The following EDA variants were observed in gnomAD, a reference collection of about 807,000 sequenced individuals.
The protein encoded by EDA is ectodysplasin-A.
Under a neutral mutation model 23.6 loss-of-function variants are expected in EDA, and 2 were observed. The observed-to-expected ratio is 0.08, with a 90% CI of 0.03 to 0.27. The LOEUF (loss-of-function observed/expected upper bound fraction) is 0.27, where lower values mean the gene tolerates loss of function less well. EDA is among the 10% of genes least tolerant of loss of function. The pLI is 1.00. For missense variants in EDA, 229 were observed against 324.2 expected, an observed-to-expected ratio of 0.71 and a Z score of 2.26; for synonymous variants, 131 against 132.0, an observed-to-expected ratio of 0.99 and a Z score of 0.05.
chrX:69,786,178 T>C (rs1281528270), intron 1 of EDA, among the ~76,000 whole-genome samples: 1 of 111,545 alleles, frequency 9.0e-6, no homozygotes, highest in African/African-American at 3.3e-5. Context: ...TTTTATTGTC[T>C]CTTTTTTTCT....
At chrX:70,030,352 G>C (rs924753245) in intron 5 of EDA, 117 bp from the exon 6 acceptor site, 6 of 630,906 alleles carry the variant, frequency 9.5e-6, no homozygotes, top group Non-Finnish European at 1.3e-5. Context: ...ACAGGGGAGA[G>C]GGATCAGAAT....
chrX:69,695,512 C>CTTTTTT (rs34298428), intron 1 of EDA, among the ~76,000 whole-genome samples: 2 of 88,868 alleles, frequency 2.3e-5, no homozygotes, highest in Non-Finnish European at 4.4e-5. Flanking sequence ...TTCCTTCTTT[C>CTTTTTT]TTTTTTTTTT....
At chrX:69,988,793 T>G (rs1228473006) in intron 2 of EDA, among the ~76,000 whole-genome samples, 2 of 110,940 alleles carry the variant, frequency 1.8e-5, no homozygotes, top group Non-Finnish European at 3.8e-5. Flanking sequence ...GAGGTGGCGG[T>G]TGCAGTGAGC....
At chrX:69,884,486 A>T (rs1009083513) in intron 1 of EDA, among the ~76,000 whole-genome samples, 6 of 112,323 alleles carry the variant, frequency 5.3e-5, no homozygotes, top group African/African-American at 1.9e-4. Context: ...TTATATCTCA[A>T]TTTTTTAGAA....
chrX:69,658,884 A>G (rs973120223), intron 1 of EDA, among the ~76,000 whole-genome samples: 1 of 111,068 alleles, frequency 9.0e-6, no homozygotes, highest in Non-Finnish European at 1.9e-5. Flanking sequence ...TACACCTACC[A>G]TTTTCACTTA....
intron 1 of EDA, chrX:69,617,854 C>A (rs1339448037): frequency 3.6e-6 from 1 of 275,396 alleles, no homozygotes; most frequent in Non-Finnish European, 6.8e-6. Context: ...CTTTGACCTC[C>A]CATCTAAAGT....
chrX:69,924,249 G>A (rs2018479528), intron 1 of EDA, among the ~76,000 whole-genome samples: 1 of 111,679 alleles, frequency 9.0e-6, no homozygotes, highest in Non-Finnish European at 1.9e-5. Context: ...CCATGCCTGT[G>A]TCCTGAATGG....
intron 1 of EDA, among the ~76,000 whole-genome samples, chrX:69,701,293 G>A (rs1365731927): frequency 9.0e-6 from 1 of 110,767 alleles, no homozygotes; most frequent in Non-Finnish European, 1.9e-5. Context: ...TCCTTGTGGG[G>A]GCCACTCACA....
intron 1 of EDA, among the ~76,000 whole-genome samples, chrX:69,679,704 T>A (rs1232206085): frequency 5.4e-5 from 6 of 111,791 alleles, no homozygotes; most frequent in Non-Finnish European, 3.8e-5. Flanking sequence ...ATTTGATTCT[T>A]CTCTCTTTTT....
chrX:69,893,671 A>G (rs745497050), intron 1 of EDA, among the ~76,000 whole-genome samples: 10 of 112,811 alleles, frequency 8.9e-5, no homozygotes, highest in Admixed American at 3.7e-4. Context: ...GCATTATTTT[A>G]GCTGATGGAA....
intron 2 of EDA, among the ~76,000 whole-genome samples, chrX:69,962,235 G>T (rs1031591815): frequency 4.5e-5 from 5 of 111,520 alleles, no homozygotes; most frequent in African/African-American, 1.6e-4. Context: ...TGTAATAGAA[G>T]AGGTACTAGA....
Position 69,655,762 on chromosome X carries a change from CTATATATATATA to C in EDA, c.396+39072_396+39083del, listed in dbSNP as rs3077261. Among the ~76,000 whole-genome samples, 17 of 52,478 alleles carry C rather than the reference CTATATATATATA, an allele frequency of 3.2e-4. 1 individual carries two copies. Among genetic ancestry groups the C allele is most frequent in the African/African-American group, 1.7e-3 (15 of 8,934 alleles). The allele number at this position is 52,478 out of a possible 115,157, so 45.6% of individuals were successfully genotyped here. ...CCACTATTATTTACATCATTAGAAT[CTATATATATATA>C]TATATATATATATTGCACTTTGTGA... is the stretch of plus-strand genomic sequence containing the variant. On this transcript the variant is annotated intron_variant, in intron 1 of 7. Coordinates refer to ENST00000374552, the MANE Select transcript of EDA (RefSeq NM_001399.5).
intron 1 of EDA, among the ~76,000 whole-genome samples, chrX:69,808,995 A>G (rs1201027926): frequency 9.0e-6 from 1 of 111,457 alleles, no homozygotes; most frequent in Non-Finnish European, 1.9e-5. Flanking sequence ...GGTCTTGTAT[A>G]ATGGGTCTTA....
intron 1 of EDA, among the ~76,000 whole-genome samples, chrX:69,726,835 G>A (rs1487161921): frequency 8.9e-6 from 1 of 112,294 alleles, no homozygotes; most frequent in Non-Finnish European, 1.9e-5. Context: ...AGGTGCACAA[G>A]CCTGGGCGAG....
intron 1 of EDA, among the ~76,000 whole-genome samples, chrX:69,928,084 G>A (rs1249872348): frequency 1.8e-5 from 2 of 111,298 alleles, no homozygotes; most frequent in Non-Finnish European, 3.8e-5. Context: ...TTGTATAGAT[G>A]CCATTAATTT....
intron 1 of EDA, among the ~76,000 whole-genome samples, chrX:69,935,512 T>C (rs895471112): frequency 3.6e-5 from 4 of 111,745 alleles, no homozygotes; most frequent in African/African-American, 1.3e-4. Context: ...TTACAAAAGC[T>C]TTAAAAACAA....
intron 2 of EDA, among the ~76,000 whole-genome samples, chrX:70,001,153 C>G (rs1044285711): frequency 5.4e-5 from 6 of 111,607 alleles, no homozygotes; most frequent in African/African-American, 2.0e-4. Context: ...TTAGCAGCAC[C>G]TCCATCCTAG....
chrX:69,701,245 T>C (rs761568855), intron 1 of EDA, among the ~76,000 whole-genome samples: 21 of 110,871 alleles, frequency 1.9e-4, no homozygotes, highest in African/African-American at 6.6e-4. Flanking sequence ...GAGATCTCAG[T>C]AGGAGGTTTT....
chrX:69,731,723 T>G (rs899312468), intron 1 of EDA, among the ~76,000 whole-genome samples: 3 of 112,168 alleles, frequency 2.7e-5, no homozygotes, highest in African/African-American at 9.7e-5. Context: ...ATTACAGGTG[T>G]GAGCCACCTT....
Sources: allele counts gnomAD v4.1 joint callset (sites outside exome capture counted in the v4.1 genomes callset), GRCh38; gene constraint gnomAD v4.1.1; transcripts MANE v1.5; gene names NCBI Gene and HGNC (gene_info 2026-07-23, HGNC 2026-07-21).